Variants in BRD10 observed in about 807,000 individuals in gnomAD.
BRD10 encodes bromodomain containing 10, also known as uncharacterized bromodomain-containing protein 10.
At chr9:5,989,351 T>C in the BRD10 span, among the ~76,000 whole-genome samples, 1 of 146,904 alleles carries the variant, frequency 6.8e-6, no homozygotes, top group African/African-American at 2.5e-5. Flanking sequence ...GGAGGACCGA[T>C]GCTTGGGAGG....
At chr9:5,983,986 C>CAT in the BRD10 span, among the ~76,000 whole-genome samples, 1 of 151,222 alleles carries the variant, frequency 6.6e-6, no homozygotes, top group South Asian at 2.1e-4. Flanking sequence ...CACACACACA[C>CAT]ACACACACAC....
At chr9:6,007,161 T>C in the BRD10 span, 1 of 1,591,220 alleles carries the variant, frequency 6.3e-7, no homozygotes, top group Non-Finnish European at 8.6e-7. Context: ...TTTGTGTCAG[T>C]CTGTCAGTCC....
chr9:5,958,246 T>C, the BRD10 span, among the ~76,000 whole-genome samples: 1 of 152,162 alleles, frequency 6.6e-6, no homozygotes, highest in South Asian at 2.1e-4. Flanking sequence ...GAGGGAAAAT[T>C]ATAACTAAAG....
At chr9:5,902,561 C>T in the BRD10 span, among the ~76,000 whole-genome samples, 1 of 151,794 alleles carries the variant, frequency 6.6e-6, no homozygotes, top group East Asian at 1.9e-4. Context: ...AACTCCTGGG[C>T]TCAAGCACTC....
chr9:5,952,026 T>TATTCATTTATTC, the BRD10 span, among the ~76,000 whole-genome samples: 3 of 149,386 alleles, frequency 2.0e-5, no homozygotes, highest in South Asian at 2.1e-4. Flanking sequence ...TTTATTTATT[T>TATTCATTTATTC]ATTTATTTAT....
At chr9:5,980,540 A>G in the BRD10 span, among the ~76,000 whole-genome samples, 1 of 152,178 alleles carries the variant, frequency 6.6e-6, no homozygotes, top group African/African-American at 2.4e-5. Flanking sequence ...TAAAATATAG[A>G]GTGGGGAGCT....
the BRD10 span, among the ~76,000 whole-genome samples, chr9:5,986,170 G>C: frequency 6.6e-6 from 1 of 152,102 alleles, no homozygotes; most frequent in Non-Finnish European, 1.5e-5. Flanking sequence ...TCCCCTCCCT[G>C]TGTCCATGTG....
the BRD10 span, chr9:5,919,620 G>C: frequency 2.8e-6 from 4 of 1,411,762 alleles, no homozygotes; most frequent in South Asian, 2.9e-5. Flanking sequence ...AATAAACATT[G>C]AAAATTTTTA....
At chr9:5,921,189 T>C in the BRD10 span, 1 of 1,613,948 alleles carries the variant, frequency 6.2e-7, no homozygotes, top group Non-Finnish European at 8.5e-7. Flanking sequence ...CCTTTTGGGG[T>C]TACATTTTGT....
At chr9:5,906,757 G>A in the BRD10 span, 2 of 567,538 alleles carry the variant, frequency 3.5e-6, no homozygotes, top group South Asian at 2.5e-5. Context: ...TGAGACTGAA[G>A]GCACACAGCA....
the BRD10 span, chr9:5,897,484 A>T: frequency 1.5e-6 from 2 of 1,374,148 alleles, no homozygotes; most frequent in South Asian, 2.3e-5. Flanking sequence ...GAAGAGGAAG[A>T]CTGATTTATG....
chr9:5,893,042 T>C, the BRD10 span, among the ~76,000 whole-genome samples: 1 of 152,196 alleles, frequency 6.6e-6, no homozygotes, highest in Non-Finnish European at 1.5e-5. Flanking sequence ...AACTTTATCC[T>C]AAGGAAAGAC....
the BRD10 span, among the ~76,000 whole-genome samples, chr9:5,884,566 T>C: frequency 6.6e-6 from 1 of 152,176 alleles, no homozygotes; most frequent in Admixed American, 6.5e-5. Context: ...TGGACTGGCC[T>C]TCATCTCATG....
At chr9:5,988,762 A>G in the BRD10 span, among the ~76,000 whole-genome samples, 3 of 152,338 alleles carry the variant, frequency 2.0e-5, no homozygotes, top group South Asian at 4.1e-4. Flanking sequence ...ATTAAAAAAA[A>G]AAATCTGAGA....
the BRD10 span, among the ~76,000 whole-genome samples, chr9:5,897,893 G>C: frequency 6.6e-6 from 1 of 152,190 alleles, no homozygotes; most frequent in East Asian, 1.9e-4. Context: ...CATAATACGA[G>C]AGACTGTAAT....
the BRD10 span, chr9:5,899,295 A>C: frequency 6.6e-6 from 1 of 152,170 alleles, no homozygotes; most frequent in Admixed American, 6.6e-5. Context: ...TGGGGATTGA[A>C]GCTTGGCAAG....
chr9:5,971,052 CAAAAAAAAAAAA>C, the BRD10 span, among the ~76,000 whole-genome samples: 5 of 43,202 alleles, frequency 1.2e-4, no homozygotes, highest in Admixed American at 2.7e-4. Context: ...AGCAACGTCT[CAAAAAAAAAAAA>C]AAAAAAAAAA....
At chr9:5,891,309 GA>G in the BRD10 span, 2 of 152,204 alleles carry the variant, frequency 1.3e-5, no homozygotes, top group Admixed American at 1.3e-4. Flanking sequence ...TGAGGTATGG[GA>G]TGTATTAAAA....
chr9:5,985,337 G>C, the BRD10 span, among the ~76,000 whole-genome samples: 3 of 151,908 alleles, frequency 2.0e-5, no homozygotes, highest in African/African-American at 4.8e-5. Flanking sequence ...GGTACGCTAA[G>C]ATTCCTTAGG....
Sources: gnomAD v4.1 joint callset for allele counts (sites outside exome capture counted in the v4.1 genomes callset) on GRCh38, gnomAD v4.1.1 for gene constraint, MANE v1.5 for transcripts, NCBI Gene and HGNC (gene_info 2026-07-23, HGNC 2026-07-21) for gene names.